ZCCHC14: variants seen among roughly 807,000 people sequenced by gnomAD.
The protein encoded by ZCCHC14 is zinc finger CCHC-type containing 14.
A neutral mutation model predicts 85.0 loss-of-function variants in ZCCHC14; 16 were observed. The ratio of observed to expected loss-of-function variants is 0.19; its 90% CI spans 0.13 to 0.29. ZCCHC14 has a LOEUF of 0.29. Among genes scored for constraint, ZCCHC14 ranks in the 10% least tolerant of loss-of-function variants. ZCCHC14 has a pLI of 1.00. For synonymous variants in ZCCHC14, 775 were observed against 630.7 expected (o/e 1.23, Z -3.43); for missense variants, 1,303 against 1,443.5 (o/e 0.90, Z 1.58).
chr16:87,414,129 T>C lies in ZCCHC14; in HGVS notation c.1603+285A>G, dbSNP rs567747289. On this transcript the variant is annotated intron_variant, in intron 10 of 12. Coordinates refer to ENST00000671377, the MANE Select transcript of ZCCHC14 (RefSeq NM_015144.3). ...CTGCCCGGCACACCGGCCCTCTCTG[T>C]GTACGAGTAACCCACCTGCCCGGCA... Among the ~76,000 whole-genome samples the C allele has an allele frequency of 4.4e-5, 6 of 136,524 alleles. No individual in the cohort carries two copies. The South Asian group carries it at 1.3e-3, about 29-fold the overall frequency. The allele number at this position is 136,524 out of a possible 152,430, so 89.6% of individuals were successfully genotyped here. A position where few individuals can be genotyped will look rare whatever the true frequency, so the allele number is the denominator to read the frequency against.
At chr16:87,410,357 G>C (rs753876270) in intron 12 of ZCCHC14, 22 bp from the exon 13 acceptor site, 1 of 770,416 alleles carries the variant, frequency 1.3e-6, no homozygotes, top group South Asian at 1.4e-5. Flanking sequence ...GGAAAAAAGA[G>C]GTCAAATTTG....
At position 87,433,106 on chromosome 16, in the gene ZCCHC14, G is replaced by A. The variant is rs181022008; in HGVS notation, c.768+22C>T. The A allele has an allele frequency of 3.1e-6, 5 of 1,612,376 alleles. No individual in the cohort carries two copies. The East Asian group carries it at 6.7e-5, about 22-fold the overall frequency. On this transcript the variant is annotated intron_variant, in intron 3 of 12. Coordinates refer to ENST00000671377, the MANE Select transcript of ZCCHC14 (RefSeq NM_015144.3). ...TCTTCCTAGCCTTCCAGGAGAGAGG[G>A]GAAAAAAACTTAGCATCTTACCTCA... is the stretch of plus-strand genomic sequence containing the variant.
rs576702235 is a variant in ZCCHC14, at chr16:87,421,963, T to C, written c.841-1247A>G. Among the ~76,000 whole-genome samples the C allele has an allele frequency of 2.0e-5, 3 of 151,572 alleles. No homozygotes were observed. The East Asian group carries it at 5.8e-4, about 29-fold the overall frequency. The stretch of plus-strand genomic sequence containing the variant: ...AAAGGAATAAAGGGGGAAAAAACTA[T>C]TGTCAAGAGATAAAGCAATCATTAG... On this transcript the variant is annotated intron_variant, in intron 4 of 12. Coordinates refer to ENST00000671377, the MANE Select transcript of ZCCHC14 (RefSeq NM_015144.3).
intron 3 of ZCCHC14, among the ~76,000 whole-genome samples, chr16:87,429,913 C>T (rs1407228407): frequency 6.6e-6 from 1 of 152,126 alleles, no homozygotes; most frequent in East Asian, 1.9e-4. Context: ...AGCCGGAGAC[C>T]CCATCTCTTA....
chr16:87,492,344 G>T lies in ZCCHC14; in HGVS notation c.-106C>A, dbSNP rs1281133625. ...GCGCGCCGGGACCGGGGACGCGCGGGCCGGGGCCGGGTCCGGGCGAGGGCG... is the reference window on the plus strand; with the variant it reads ...GCGCGCCGGGACCGGGGACGCGCGGTCCGGGGCCGGGTCCGGGCGAGGGCG... On this transcript the variant is annotated 5_prime_UTR_variant, in exon 1 of 13. Coordinates refer to ENST00000671377, the MANE Select transcript of ZCCHC14 (RefSeq NM_015144.3). This position sits in a 1 kb window ranked among gnomAD's most constrained non-coding sequence, Gnocchi z 6.7. 7.5e-6 allele frequency: 2 copies of T among 265,774 alleles called. No homozygotes were observed. Among genetic ancestry groups the T allele is most frequent in the Non-Finnish European group, 1.1e-5 (2 of 176,088 alleles). The allele number at this position is 265,774 out of a possible 1,614,324, so 16.5% of individuals were successfully genotyped here.
intron 10 of ZCCHC14, among the ~76,000 whole-genome samples, chr16:87,413,700 C>A (rs2150722126): frequency 6.6e-6 from 1 of 152,146 alleles, no homozygotes; most frequent in Admixed American, 6.5e-5. Context: ...AGGATGAAAA[C>A]CAAATCGCTG....
chr16:87,476,983 G>C (rs930545630), intron 1 of ZCCHC14, among the ~76,000 whole-genome samples: 11 of 151,532 alleles, frequency 7.3e-5, no homozygotes, highest in South Asian at 4.2e-4. Flanking sequence ...AAATTAGCCG[G>C]GCATGGTGGT....
At chr16:87,463,163 C>T (rs1388758198) in intron 1 of ZCCHC14, among the ~76,000 whole-genome samples, 1 of 152,226 alleles carries the variant, frequency 6.6e-6, no homozygotes, top group African/African-American at 2.4e-5. Flanking sequence ...AGGAGGATCA[C>T]TTGAGGCCAC....
At chr16:87,473,983 T>A (rs8055619) in intron 1 of ZCCHC14, 80,318 of 151,912 alleles carry the variant, frequency 0.53, 23,804 homozygotes, top group African/African-American at 0.77. Flanking sequence ...AGAGCCAGGG[T>A]CCCCATCTCT....
chr16:87,469,640 A>G (rs1432087902), intron 1 of ZCCHC14, among the ~76,000 whole-genome samples: 1 of 152,220 alleles, frequency 6.6e-6, no homozygotes, highest in Non-Finnish European at 1.5e-5. Flanking sequence ...TCAAAATGTT[A>G]GTTGCTGTTA....
chr16:87,439,627 C>G (rs1597420355), intron 2 of ZCCHC14, among the ~76,000 whole-genome samples: 1 of 152,172 alleles, frequency 6.6e-6, no homozygotes, highest in East Asian at 1.9e-4. Flanking sequence ...ATACATATAT[C>G]AAAATATCAC....
chr16:87,490,850 A>G (rs968154051), intron 1 of ZCCHC14, among the ~76,000 whole-genome samples: 7 of 152,212 alleles, frequency 4.6e-5, no homozygotes, highest in African/African-American at 9.6e-5. Context: ...ACACGCGTAC[A>G]TCATACAGCA....
At chr16:87,417,965 C>A in intron 7 of ZCCHC14, 1 of 558,112 alleles carries the variant, frequency 1.8e-6, no homozygotes, top group Non-Finnish European at 3.1e-6. Flanking sequence ...TCTGTGCACA[C>A]GTGTGCATAC....
intron 1 of ZCCHC14, among the ~76,000 whole-genome samples, chr16:87,483,896 T>C (rs1461070728): frequency 2.0e-5 from 3 of 152,214 alleles, no homozygotes; most frequent in African/African-American, 4.8e-5. Flanking sequence ...GTATATAATA[T>C]GTAAATGACA....
chr16:87,453,257 C>T (rs577281889), intron 2 of ZCCHC14, among the ~76,000 whole-genome samples: 2 of 152,358 alleles, frequency 1.3e-5, no homozygotes, highest in African/African-American at 4.8e-5. Flanking sequence ...GTCATGGCAA[C>T]AGCTCCTACA....
At chr16:87,410,582 C>G (rs555651189) in intron 12 of ZCCHC14, among the ~76,000 whole-genome samples, 2 of 152,240 alleles carry the variant, frequency 1.3e-5, no homozygotes, top group Non-Finnish European at 2.9e-5. Flanking sequence ...TGGGAGCTTC[C>G]TCTGGGAGTC....
intron 1 of ZCCHC14, among the ~76,000 whole-genome samples, chr16:87,476,017 AG>A (rs996456523): frequency 4.1e-4 from 62 of 152,362 alleles, no homozygotes; most frequent in Middle Eastern, 3.4e-3. Flanking sequence ...TTGTGAGCAC[AG>A]GGGAGCAGCC....
intron 1 of ZCCHC14, among the ~76,000 whole-genome samples, chr16:87,465,164 C>G (rs1323365611): frequency 6.6e-6 from 1 of 152,238 alleles, no homozygotes; most frequent in Non-Finnish European, 1.5e-5. Context: ...GCCTTCCCAT[C>G]TATACTCAAA....
chr16:87,421,650 A>C lies in ZCCHC14; in HGVS notation c.841-934T>G, dbSNP rs562592452. Among the ~76,000 whole-genome samples, 3 of 152,264 alleles carry C rather than the reference A, an allele frequency of 2.0e-5. No homozygotes were observed. In the South Asian group the frequency reaches 6.2e-4, roughly 32 times the overall value. ...GGTAGAGAGTGCCCTGCTGTGTGCC[A>C]CAGGCCTGCAGGGACGGCTGAAAGC... On this transcript the variant is annotated intron_variant, in intron 4 of 12. Transcript: ENST00000671377.
Sources: gnomAD v4.1 joint callset for allele counts (sites outside exome capture counted in the v4.1 genomes callset) on GRCh38, gnomAD v4.1.1 for gene constraint, Gnocchi (gnomAD v3.1) non-coding constraint, MANE v1.5 for transcripts, NCBI Gene and HGNC (gene_info 2026-07-23, HGNC 2026-07-21) for gene names.